ZFAND3: variants seen among roughly 807,000 people sequenced by gnomAD.
The protein encoded by ZFAND3 is zinc finger AN1-type containing 3, also known as AN1-type zinc finger protein 3.
ZFAND3 carries 10 observed loss-of-function variants against 29.6 expected under a neutral mutation model. The observed-to-expected ratio is 0.34, with a 90% confidence interval of 0.21 to 0.57. The LOEUF (loss-of-function observed/expected upper bound fraction) is 0.57. Ranked by LOEUF, ZFAND3 falls within the 20% of genes least tolerant of loss-of-function variation. The pLI, the probability that ZFAND3 is intolerant of heterozygous loss-of-function variation, is 0.86. For synonymous variants in ZFAND3, 128 were observed against 112.6 expected (o/e 1.14, Z -0.87); for missense variants, 230 against 304.5 (o/e 0.76, Z 1.82).
At chr6:38,012,226 A>T (rs914392813) in intron 2 of ZFAND3, among the ~76,000 whole-genome samples, 24 of 152,174 alleles carry the variant, frequency 1.6e-4, no homozygotes, top group Non-Finnish European at 3.4e-4. Flanking sequence ...TAAAGTACCA[A>T]GTAGTTGAAT....
intron 5 of ZFAND3, among the ~76,000 whole-genome samples, chr6:38,136,989 C>T (rs1036002983): frequency 6.6e-6 from 1 of 152,170 alleles, no homozygotes; most frequent in Non-Finnish European, 1.5e-5. Flanking sequence ...ATTAATTTTC[C>T]ATGGAATCTG....
chr6:38,140,977 GCCCCCA>G (rs1055903369), intron 5 of ZFAND3, among the ~76,000 whole-genome samples: 12 of 120,720 alleles, frequency 9.9e-5, no homozygotes, highest in African/African-American at 3.9e-4. Context: ...TTCTCTGCCC[GCCCCCA>G]CCCCCACCCA....
At chr6:38,062,124 T>C (rs1475212083) in intron 3 of ZFAND3, among the ~76,000 whole-genome samples, 1 of 152,180 alleles carries the variant, frequency 6.6e-6, no homozygotes, top group Non-Finnish European at 1.5e-5. Context: ...GGATCTGTTA[T>C]TTTTAACTCC....
chr6:38,125,207 C>G (rs1275412722), intron 5 of ZFAND3, among the ~76,000 whole-genome samples: 1 of 152,244 alleles, frequency 6.6e-6, no homozygotes, highest in African/African-American at 2.4e-5. Flanking sequence ...AGTATGCTAT[C>G]TGTATTCCCC....
chr6:37,970,630 C>T lies in ZFAND3; in HGVS notation c.112+40631C>T, dbSNP rs144495426. ...AACACTTAGTATGGGGCCAGGCGCG[C>T]GGTGGCTCAACGCCTGTAATCCCAG... On this transcript the variant is annotated intron_variant, in intron 2 of 5. Transcript: ENST00000287218. Among the ~76,000 whole-genome samples the T allele has an allele frequency of 1.1e-4, 16 of 152,252 alleles. No individual in the cohort carries two copies. The East Asian group carries it at 1.2e-3, about 11-fold the overall frequency.
At chr6:37,908,365 T>C (rs1282703135) in intron 1 of ZFAND3, among the ~76,000 whole-genome samples, 1 of 152,106 alleles carries the variant, frequency 6.6e-6, no homozygotes, top group African/African-American at 2.4e-5. Flanking sequence ...AACGTAAATG[T>C]ACATTGCCAT....
At chr6:38,121,988 T>A (rs1765543312) in intron 5 of ZFAND3, among the ~76,000 whole-genome samples, 2 of 152,250 alleles carry the variant, frequency 1.3e-5, no homozygotes, top group Non-Finnish European at 2.9e-5. Context: ...GATGATTTAC[T>A]AACTCTAGCA....
chr6:37,876,645 C>T (rs952661613), intron 1 of ZFAND3, among the ~76,000 whole-genome samples: 4 of 152,132 alleles, frequency 2.6e-5, no homozygotes, highest in Admixed American at 6.5e-5. Context: ...CATATCAATT[C>T]GTACTCTAAG....
In ZFAND3 at chr6:38,152,731, C is replaced by T. The variant is rs1766256800; in HGVS notation, c.*342C>T. 1 of 1,021,642 alleles carries T rather than the reference C, an allele frequency of 9.8e-7. No homozygotes were observed. Among genetic ancestry groups the T allele is most frequent in the Non-Finnish European group, 1.2e-6 (1 of 854,010 alleles). 63.3% of individuals were successfully genotyped at this position (1,021,642 alleles called of 1,614,324 possible). On this transcript the variant is annotated 3_prime_UTR_variant, in exon 6 of 6. Coordinates refer to ENST00000287218, the MANE Select transcript of ZFAND3 (RefSeq NM_021943.3). ...AAGTGGAAAGTGTTCCAGACGGAGACTCTGAGTTAATAGAGGAGTAGAAGC... is the reference window on the plus strand; with the variant it reads ...AAGTGGAAAGTGTTCCAGACGGAGATTCTGAGTTAATAGAGGAGTAGAAGC...
At chr6:38,066,615 G>T (rs1401017312) in intron 3 of ZFAND3, among the ~76,000 whole-genome samples, 1 of 152,120 alleles carries the variant, frequency 6.6e-6, no homozygotes, top group African/African-American at 2.4e-5. Flanking sequence ...CTTGTGGAAG[G>T]TTTTATTATT....
intron 5 of ZFAND3, among the ~76,000 whole-genome samples, chr6:38,146,147 C>T (rs1319480936): frequency 6.9e-6 from 1 of 144,370 alleles, no homozygotes; most frequent in Admixed American, 6.8e-5. Flanking sequence ...CCTCTTCTTC[C>T]ATTCCTGTTC....
intron 1 of ZFAND3, among the ~76,000 whole-genome samples, chr6:37,849,237 G>GA (rs1440760393): frequency 6.6e-6 from 1 of 152,100 alleles, no homozygotes; most frequent in Non-Finnish European, 1.5e-5. Flanking sequence ...ATTCTCAAGC[G>GA]AGAGCTCCCC....
At chr6:37,979,781 TC>T (rs1269409009) in intron 2 of ZFAND3, among the ~76,000 whole-genome samples, 1 of 152,208 alleles carries the variant, frequency 6.6e-6, no homozygotes, top group Non-Finnish European at 1.5e-5. Flanking sequence ...ATATAACTCT[TC>T]CTTGTGTGTT....
intron 2 of ZFAND3, among the ~76,000 whole-genome samples, chr6:38,014,033 G>A (rs1763209391): frequency 6.6e-6 from 1 of 152,128 alleles, no homozygotes; most frequent in Admixed American, 6.5e-5. Context: ...GGTATTTATT[G>A]TTAAAGGAGG....
intron 2 of ZFAND3, among the ~76,000 whole-genome samples, chr6:38,051,046 C>T (rs1405291247): frequency 6.6e-6 from 1 of 151,842 alleles, no homozygotes; most frequent in Admixed American, 6.6e-5. Context: ...TAGGAATAGC[C>T]CCTTAAGTCA....
chr6:38,133,904 A>G (rs1469496161), intron 5 of ZFAND3, among the ~76,000 whole-genome samples: 1 of 152,164 alleles, frequency 6.6e-6, no homozygotes, highest in Non-Finnish European at 1.5e-5. Flanking sequence ...CATATCCCCA[A>G]GCTGGCCCAT....
chr6:37,860,458 GAGTT>G (rs1196123465), intron 1 of ZFAND3, among the ~76,000 whole-genome samples: 7 of 152,156 alleles, frequency 4.6e-5, no homozygotes, highest in Admixed American at 1.3e-4. Flanking sequence ...GGAAGACAGT[GAGTT>G]AGGAAAAGCA....
chr6:37,914,672 C>CTTTTTTTTTTTTTTTTT lies in ZFAND3; in HGVS notation c.72-15277_72-15276insTTTTTTTTTTTTTTTTT, dbSNP rs71542148. Among the ~76,000 whole-genome samples the CTTTTTTTTTTTTTTTTT allele has an allele frequency of 3.5e-5, 4 of 114,208 alleles. 1 individual carries two copies. Among genetic ancestry groups the CTTTTTTTTTTTTTTTTT allele is most frequent in the Admixed American group, 1.7e-4 (2 of 11,474 alleles). The allele number at this position is 114,208 out of a possible 152,430, so 74.9% of individuals were successfully genotyped here. On this transcript the variant is annotated intron_variant, in intron 1 of 5. Coordinates refer to ENST00000287218, the MANE Select transcript of ZFAND3 (RefSeq NM_021943.3). ...TTTCTTTCTTTCTTTCTTTTTTTTT[C>CTTTTTTTTTTTTTTTTT]TTTTTTTTTTAGTGGAGACGGGGTT...
chr6:37,858,364 CTT>C (rs1764421655), intron 1 of ZFAND3, among the ~76,000 whole-genome samples: 1 of 152,180 alleles, frequency 6.6e-6, no homozygotes, highest in South Asian at 2.1e-4. Context: ...ACCTTCAAGA[CTT>C]CACCAGAATG....
Sources: allele counts gnomAD v4.1 joint callset (sites outside exome capture counted in the v4.1 genomes callset), GRCh38; gene constraint gnomAD v4.1.1; transcripts MANE v1.5; gene names NCBI Gene and HGNC (gene_info 2026-07-23, HGNC 2026-07-21).